The following TMED1 variants were observed in gnomAD, a reference collection of about 807,000 sequenced individuals.
TMED1 encodes the protein transmembrane p24 trafficking protein 1.
Under a neutral mutation model 21.2 loss-of-function variants are expected in TMED1, and 20 were observed. The observed-to-expected ratio is 0.95, with a 90% CI of 0.67 to 1.37. The LOEUF is 1.37. Among genes scored for constraint, TMED1 ranks in the 40% most tolerant of loss-of-function variants. TMED1 has a pLI of 0.00. For missense variants in TMED1, 316 were observed against 309.8 expected (o/e 1.02, Z -0.15); for synonymous variants, 149 against 134.7 (o/e 1.11, Z -0.74).
Position 10,832,210 on chromosome 19 carries a change from G to A in TMED1, c.*785C>T, listed in dbSNP as rs2073364222. ...GCGCTCCACCCCCTTCCTACCCTCAGGCCCTGCTTCTCTCACCTCGTGGGG... is the reference window on the plus strand; with the variant it reads ...GCGCTCCACCCCCTTCCTACCCTCAAGCCCTGCTTCTCTCACCTCGTGGGG... On this transcript the variant is annotated 3_prime_UTR_variant, in exon 4 of 4. Coordinates refer to ENST00000214869, the MANE Select transcript of TMED1 (RefSeq NM_006858.4). The A allele has an allele frequency of 8.9e-7, 1 of 1,125,798 alleles. No individual in the cohort carries two copies. Among genetic ancestry groups the A allele is most frequent in the African/African-American group, 1.6e-5 (1 of 62,614 alleles). 69.7% of individuals were successfully genotyped at this position (1,125,798 alleles called of 1,614,324 possible).
In TMED1 at chr19:10,833,037, C is replaced by T. The variant is rs771324875; in HGVS notation, c.642G>A (p.Thr214=). The T allele has an allele frequency of 6.6e-5, 107 of 1,613,634 alleles. No homozygotes were observed. The highest frequency in any genetic ancestry group is 1.6e-4 in the South Asian group (15 of 91,094). Reference sequence around the variant, plus strand: ...GCTTGTCCTGGAAGAAGCGCTTGAGCGTGCAGACCTGCAGCACAGCCACCA... The same window carrying T: ...GCTTGTCCTGGAAGAAGCGCTTGAGTGTGCAGACCTGCAGCACAGCCACCA... ...LLLVAVLQVC[T]LKRFFQDKRP... is the part of the protein sequence containing the mutation. The change falls in exon 4 of 4, where the codon ACG becomes ACA. Residue 214 remains threonine (T), a synonymous_variant. Coordinates refer to ENST00000214869, the MANE Select transcript of TMED1 (RefSeq NM_006858.4).
Position 10,835,276 on chromosome 19 carries a change from G to A in TMED1, c.261C>T (p.Arg87=). 5.0e-6 allele frequency: 8 copies of A among 1,614,104 alleles called. No individual in the cohort carries two copies. Among genetic ancestry groups the A allele is most frequent in the Non-Finnish European group, 6.8e-6 (8 of 1,180,022 alleles). The change falls in exon 2 of 4, where the codon CGC becomes CGT. Residue 87 remains arginine (R), a synonymous_variant. Coordinates refer to ENST00000214869, the MANE Select transcript of TMED1 (RefSeq NM_006858.4). ...CTCACGTGTGTACCCCATCAGCCTTGCGGGACTCGCTGACCAACAGCACGC... is the reference window on the plus strand; with the variant it reads ...CTCACGTGTGTACCCCATCAGCCTTACGGGACTCGCTGACCAACAGCACGC... The part of the protein sequence containing the change: ...PQGVLLVSES[R]KADGVHTVEP...
chr19:10,834,043 A>C (rs1414666723), intron 3 of TMED1, among the ~76,000 whole-genome samples: 2 of 152,160 alleles, frequency 1.3e-5, no homozygotes, highest in Non-Finnish European at 2.9e-5. Flanking sequence ...GCGTGGTGGC[A>C]CAGCTATTCA....
intron 3 of TMED1, among the ~76,000 whole-genome samples, chr19:10,834,622 G>A (rs1189089105): frequency 1.3e-5 from 2 of 151,966 alleles, no homozygotes; most frequent in African/African-American, 4.8e-5. Flanking sequence ...TGGGATTACA[G>A]ACGCCCGCCA....
rs954965766 is a variant in TMED1 at position 10,832,805 on chromosome 19, C to T, written c.*190G>A. 17 of 645,340 alleles carry T rather than the reference C, an allele frequency of 2.6e-5. No individual in the cohort carries two copies. The highest frequency in any genetic ancestry group is 4.2e-4 in the Middle Eastern group (1 of 2,388). The allele number at this position is 645,340 out of a possible 1,614,324, so 40.0% of individuals were successfully genotyped here. On this transcript the variant is annotated 3_prime_UTR_variant, in exon 4 of 4. Transcript: ENST00000214869. ...AGGACCGTCGGTGCAGCCACTGAGC[C>T]GTCCCTTCTACAAGCCAGAGGTGTT...
At chr19:10,835,683 C>T (rs372714146) in intron 1 of TMED1, 92 of 1,402,616 alleles carry the variant, frequency 6.6e-5, no homozygotes, top group Admixed American at 1.8e-4. Context: ...CGAGAAAGGC[C>T]TGTGTGGGCA....
chr19:10,834,439 C>G (rs928748609), intron 3 of TMED1, among the ~76,000 whole-genome samples: 1 of 151,196 alleles, frequency 6.6e-6, no homozygotes, highest in South Asian at 2.1e-4. Flanking sequence ...AGGGTTTATA[C>G]CTAGAAATGA....
chr19:10,835,812 C>T (rs1307872877), intron 1 of TMED1, 197 bp downstream of exon 1: 1 of 983,668 alleles, frequency 1.0e-6, no homozygotes, highest in Non-Finnish European at 1.2e-6. Flanking sequence ...TTACTCTAGC[C>T]CCGCCTGCTT....
rs1414388188 is a variant in TMED1, at chr19:10,836,062, G to T, written c.130C>A (p.Gln44Lys). The T allele has an allele frequency of 1.9e-6, 3 of 1,596,084 alleles. No homozygotes were observed. Among genetic ancestry groups the T allele is most frequent in the African/African-American group, 2.7e-5 (2 of 74,374 alleles). ...FTFLLPAGRK[Q>K]CFYQSAPANA... ...GCCGGCGCGGACTGGTAGAAACACT[G>T]CTTCCTCCCCGCCGGCAACAGGAAC... is the stretch of plus-strand genomic sequence containing the variant. The change falls in exon 1 of 4, where the codon CAG becomes AAG. Residue 44 changes from glutamine to lysine, a missense_variant. Physicochemically the swap from Gln to Lys is moderately conservative, Grantham distance 53. Transcript: ENST00000214869.
Position 10,832,614 on chromosome 19 carries a change from C to T in TMED1, c.*381G>A. 1.9e-6 allele frequency: 1 copy of T among 526,364 alleles called. No individual in the cohort carries two copies. Among genetic ancestry groups the T allele is most frequent in the South Asian group, 2.1e-5 (1 of 46,696 alleles). The allele number at this position is 526,364 out of a possible 1,614,324, so 32.6% of individuals were successfully genotyped here. A position where few individuals can be genotyped will look rare whatever the true frequency, so the allele number is the denominator to read the frequency against. On this transcript the variant is annotated 3_prime_UTR_variant, in exon 4 of 4. Coordinates refer to ENST00000214869, the MANE Select transcript of TMED1 (RefSeq NM_006858.4). ...CCCTTCCTGGCATTCTGTTACCAGACCTCAACCTGGCTTGGAGGGCCCAGG... is the reference window on the plus strand; with the variant it reads ...CCCTTCCTGGCATTCTGTTACCAGATCTCAACCTGGCTTGGAGGGCCCAGG...
intron 1 of TMED1, 62 bp from the exon 2 acceptor site, chr19:10,835,415 G>C (rs1340313835): frequency 5.0e-6 from 8 of 1,599,044 alleles, no homozygotes; most frequent in Non-Finnish European, 6.0e-6. Flanking sequence ...TGCCGAAGAG[G>C]GCTACGGCTG....
At chr19:10,834,516 A>G (rs1201820751) in intron 3 of TMED1, among the ~76,000 whole-genome samples, 1 of 147,136 alleles carries the variant, frequency 6.8e-6, no homozygotes, top group Admixed American at 6.9e-5. Context: ...CTGGAGTGCA[A>G]TGGTGCGATC....
Position 10,832,510 on chromosome 19 carries a change from T to A in TMED1, c.*485A>T. The A allele has an allele frequency of 1.6e-6, 1 of 629,986 alleles. No individual in the cohort carries two copies. The highest frequency in any genetic ancestry group is 2.4e-6 in the Non-Finnish European group (1 of 415,898). 39.0% of individuals were successfully genotyped at this position (629,986 alleles called of 1,614,324 possible). A position where few individuals can be genotyped will look rare whatever the true frequency, so the allele number is the denominator to read the frequency against. ...CCCTTTGTTATAGGAGGCTTCTGCC[T>A]AGACTTTGGCCGGGCCATCCCTCAT... On this transcript the variant is annotated 3_prime_UTR_variant, in exon 4 of 4. Transcript: ENST00000214869.
At chr19:10,835,735 C>G (rs1473109787) in intron 1 of TMED1, 1 of 1,409,926 alleles carries the variant, frequency 7.1e-7, no homozygotes, top group African/African-American at 1.4e-5. Flanking sequence ...GCCACGCCCA[C>G]CAGCCAGAGT....
At chr19:10,833,989 G>C (rs2073394116) in intron 3 of TMED1, among the ~76,000 whole-genome samples, 1 of 152,108 alleles carries the variant, frequency 6.6e-6, no homozygotes, top group Non-Finnish European at 1.5e-5. Context: ...GGCCAACATG[G>C]TGAAACCCTG....
chr19:10,835,675 A>T, intron 1 of TMED1: 1 of 1,400,188 alleles, frequency 7.1e-7, no homozygotes, highest in Non-Finnish European at 9.3e-7. Flanking sequence ...CTAACCCCCG[A>T]GAAAGGCCTG....
chr19:10,832,525 C>A lies in TMED1; in HGVS notation c.*470G>T. On this transcript the variant is annotated 3_prime_UTR_variant, in exon 4 of 4. Coordinates refer to ENST00000214869, the MANE Select transcript of TMED1 (RefSeq NM_006858.4). Reference sequence around the variant, plus strand: ...GGCTTCTGCCTAGACTTTGGCCGGGCCATCCCTCATGCCTGTGTGGGGCCC... The same window carrying A: ...GGCTTCTGCCTAGACTTTGGCCGGGACATCCCTCATGCCTGTGTGGGGCCC... The A allele has an allele frequency of 1.8e-6, 1 of 559,258 alleles. No individual in the cohort carries two copies. Among genetic ancestry groups the A allele is most frequent in the Non-Finnish European group, 2.9e-6 (1 of 350,164 alleles). The allele number at this position is 559,258 out of a possible 1,614,324, so 34.6% of individuals were successfully genotyped here. A position where few individuals can be genotyped will look rare whatever the true frequency, so the allele number is the denominator to read the frequency against.
At chr19:10,835,860 C>A in intron 1 of TMED1, 149 bp downstream of exon 1, 10 of 1,421,150 alleles carry the variant, frequency 7.0e-6, no homozygotes, top group Non-Finnish European at 9.2e-6. Context: ...ACACCGTCCC[C>A]GCCCCATCTG....
Position 10,836,182 on chromosome 19 carries a change from C to A in TMED1, c.10G>T (p.Ala4Ser). Residue 4 changes from alanine (A) to serine (S), a missense_variant, in exon 1 of 4, where the codon GCC becomes TCC. By Grantham distance (99) the Ala-to-Ser change is moderately conservative. Coordinates refer to ENST00000214869, the MANE Select transcript of TMED1 (RefSeq NM_006858.4). ...AAGGCCAGGGCTAGGGCCGCGCCGG[C>A]CGCCATCATCCGGGTCACCCTCTGG... is the stretch of plus-strand genomic sequence containing the variant. MMA[A>S]GAALALALWL... The A allele has an allele frequency of 6.5e-7, 1 of 1,550,238 alleles. No individual in the cohort carries two copies. Among genetic ancestry groups the A allele is most frequent in the Non-Finnish European group, 8.7e-7 (1 of 1,151,102 alleles).
Sources: allele counts gnomAD v4.1 joint callset (sites outside exome capture counted in the v4.1 genomes callset), GRCh38; gene constraint gnomAD v4.1.1; transcripts MANE v1.5; gene names NCBI Gene and HGNC (gene_info 2026-07-23, HGNC 2026-07-21).